The following SETBP1 variants were observed in gnomAD, a reference collection of about 807,000 sequenced individuals.
SETBP1 encodes the protein SET-binding protein.
SETBP1 carries 9 observed loss-of-function variants against 101.0 expected under a neutral mutation model. The observed-to-expected ratio is 0.09, with a 90% confidence interval of 0.05 to 0.16. The LOEUF (loss-of-function observed/expected upper bound fraction) is 0.16. Among genes scored for constraint, SETBP1 ranks in the 10% least tolerant of loss-of-function variants. SETBP1 has a pLI of 1.00. For missense variants in SETBP1, 1,858 were observed against 2,033.8 expected (o/e 0.91, Z 1.66); for synonymous variants, 818 against 788.5 (o/e 1.04, Z -0.63).
chr18:44,828,726 CTGTATT>C (rs2072291592), intron 2 of SETBP1, among the ~76,000 whole-genome samples: 2 of 152,206 alleles, frequency 1.3e-5, no homozygotes, highest in Non-Finnish European at 2.9e-5. Flanking sequence ...CCCAATGTGA[CTGTATT>C]CAGAGTGAAA....
rs1568144645 is a variant in SETBP1 at position 44,787,869 on chromosome 18, A to AAAAAAAAAAAAAAAAAAT, written c.487-81350_487-81349insAAAAAATAAAAAAAAAAA. ...GAGCGAGAGTCCGTCTCAAAAAAAA[A>AAAAAAAAAAAAAAAAAAT]AAAAAAAAAAAGAAAATTGTTCTCT... On this transcript the variant is annotated intron_variant, in intron 2 of 5. Transcript: ENST00000649279. 2.0e-4 allele frequency among the ~76,000 whole-genome samples: 25 copies of AAAAAAAAAAAAAAAAAAT among 127,676 alleles called. 2 individuals are homozygous for AAAAAAAAAAAAAAAAAAT. The highest frequency in any genetic ancestry group is 3.4e-4 in the Non-Finnish European group (21 of 61,066). 83.8% of individuals were successfully genotyped at this position (127,676 alleles called of 152,430 possible). A position where few individuals can be genotyped will look rare whatever the true frequency, so the allele number is the denominator to read the frequency against.
intron 4 of SETBP1, among the ~76,000 whole-genome samples, chr18:44,980,187 G>A (rs1048059827): frequency 1.3e-5 from 2 of 152,144 alleles, no homozygotes; most frequent in Non-Finnish European, 2.9e-5. Context: ...AGAGTGATTG[G>A]GTGAGCTGGG....
intron 3 of SETBP1, among the ~76,000 whole-genome samples, chr18:44,946,710 G>A (rs887149590): frequency 2.0e-5 from 3 of 152,234 alleles, no homozygotes; most frequent in South Asian, 2.1e-4. Flanking sequence ...AGCACTTATC[G>A]AGAGCTTTCT....
chr18:44,733,963 G>A (rs1007351589), intron 2 of SETBP1, among the ~76,000 whole-genome samples: 10 of 152,072 alleles, frequency 6.6e-5, no homozygotes, highest in South Asian at 2.1e-4. Flanking sequence ...GGATCTGCCC[G>A]GTCCAAAAGT....
chr18:44,713,843 G>A (rs1237931806), intron 2 of SETBP1, among the ~76,000 whole-genome samples: 1 of 152,182 alleles, frequency 6.6e-6, no homozygotes, highest in Non-Finnish European at 1.5e-5. Flanking sequence ...ACAGTTCTGG[G>A]CAGAGACGTG....
intron 2 of SETBP1, among the ~76,000 whole-genome samples, chr18:44,714,767 T>C (rs1311880571): frequency 6.6e-6 from 1 of 152,038 alleles, no homozygotes; most frequent in Non-Finnish European, 1.5e-5. Context: ...TAAGAAGTAT[T>C]GATCTCAGGA....
chr18:45,046,190 G>T (rs1049854036), intron 5 of SETBP1, among the ~76,000 whole-genome samples: 3 of 152,176 alleles, frequency 2.0e-5, no homozygotes, highest in Non-Finnish European at 4.4e-5. Flanking sequence ...TAGCACCGAG[G>T]TGGGCAAACA....
intron 2 of SETBP1, among the ~76,000 whole-genome samples, chr18:44,766,603 G>A (rs2070768021): frequency 6.6e-6 from 1 of 152,146 alleles, no homozygotes; most frequent in Admixed American, 6.5e-5. Context: ...AATGAAAAGA[G>A]TTCTGTGGAT....
In SETBP1 at chr18:44,702,387, T is replaced by C. The variant is rs541731250; in HGVS notation, c.486+555T>C. 4.6e-5 allele frequency among the ~76,000 whole-genome samples: 7 copies of C among 152,286 alleles called. No individual in the cohort carries two copies. In the South Asian group the frequency reaches 1.5e-3, roughly 32 times the overall value. On this transcript the variant is annotated intron_variant, in intron 2 of 5. Coordinates refer to ENST00000649279, the MANE Select transcript of SETBP1 (RefSeq NM_015559.3). Reference sequence around the variant, plus strand: ...TCTACTCGTTAATTACCAATCTCCTTGATGGAATATTTAGAGACTCAAGAA... The same window carrying C: ...TCTACTCGTTAATTACCAATCTCCTCGATGGAATATTTAGAGACTCAAGAA...
rs767680563 is a variant in SETBP1, at chr18:45,038,645, G to A, written c.4161G>A (p.Thr1387=). 5.2e-5 allele frequency: 84 copies of A among 1,613,952 alleles called. No homozygotes were observed. Among genetic ancestry groups the A allele is most frequent in the Non-Finnish European group, 6.1e-5 (72 of 1,179,986 alleles). Residue 1387 remains threonine, a synonymous_variant, in exon 5 of 6, where the codon ACG becomes ACA. Coordinates refer to ENST00000649279, the MANE Select transcript of SETBP1 (RefSeq NM_015559.3). Reference sequence around the variant, plus strand: ...CTCTCCTTGCTGCATCTGCAGCAACGTCGGATGCAGGTGAGCACTTTTCAG... The same window carrying A: ...CTCTCCTTGCTGCATCTGCAGCAACATCGGATGCAGGTGAGCACTTTTCAG... ...VLSLLAASAA[T]SDAVGSSLKK... is the part of the protein sequence containing the mutation.
chr18:45,019,877 T>A (rs931194776), intron 4 of SETBP1, among the ~76,000 whole-genome samples: 11 of 152,118 alleles, frequency 7.2e-5, no homozygotes, highest in Admixed American at 2.0e-4. Context: ...CACACTAAAT[T>A]GTCAATTGTA....
At chr18:44,778,321 G>A (rs2071050236) in intron 2 of SETBP1, among the ~76,000 whole-genome samples, 1 of 152,136 alleles carries the variant, frequency 6.6e-6, no homozygotes, top group South Asian at 2.1e-4. Flanking sequence ...GAGCTAGAGG[G>A]GGGTCACCTA....
intron 4 of SETBP1, among the ~76,000 whole-genome samples, chr18:45,010,791 C>T (rs1433317830): frequency 1.3e-5 from 2 of 152,204 alleles, no homozygotes; most frequent in Non-Finnish European, 1.5e-5. Flanking sequence ...TACGACAACT[C>T]TGTAAAGTTG....
intron 2 of SETBP1, among the ~76,000 whole-genome samples, chr18:44,728,295 G>T (rs969364833): frequency 2.0e-5 from 3 of 152,160 alleles, no homozygotes; most frequent in Non-Finnish European, 4.4e-5. Context: ...AGAGACTGGT[G>T]GTTCTCAGAG....
At chr18:44,984,297 G>A (rs1202778649) in intron 4 of SETBP1, among the ~76,000 whole-genome samples, 2 of 152,222 alleles carry the variant, frequency 1.3e-5, no homozygotes, top group African/African-American at 4.8e-5. Context: ...CAGGGCAGGG[G>A]AGTGGGGTGC....
chr18:44,786,722 C>T (rs1201064892), intron 2 of SETBP1, among the ~76,000 whole-genome samples: 1 of 152,116 alleles, frequency 6.6e-6, no homozygotes, highest in Non-Finnish European at 1.5e-5. Flanking sequence ...TTAAACATTG[C>T]CTGAATATTT....
At chr18:44,922,159 T>C (rs1056657999) in intron 3 of SETBP1, among the ~76,000 whole-genome samples, 1 of 152,198 alleles carries the variant, frequency 6.6e-6, no homozygotes, top group Non-Finnish European at 1.5e-5. Flanking sequence ...GCTTATAGAT[T>C]AGGATAGTAA....
intron 2 of SETBP1, among the ~76,000 whole-genome samples, chr18:44,867,765 C>T (rs1033403920): frequency 2.0e-5 from 3 of 152,122 alleles, no homozygotes; most frequent in African/African-American, 7.2e-5. Flanking sequence ...CAGGTTTTAC[C>T]TTCTCCACCT....
At chr18:44,976,027 G>A (rs1335879382) in intron 4 of SETBP1, among the ~76,000 whole-genome samples, 3 of 151,600 alleles carry the variant, frequency 2.0e-5, no homozygotes, top group African/African-American at 7.3e-5. Context: ...TCAGCAGACT[G>A]TGCATGTATA....
Sources: allele counts gnomAD v4.1 joint callset (sites outside exome capture counted in the v4.1 genomes callset), GRCh38; gene constraint gnomAD v4.1.1; transcripts MANE v1.5; gene names NCBI Gene and HGNC (gene_info 2026-07-23, HGNC 2026-07-21).